The following USP34 variants were observed in gnomAD, a reference collection of about 807,000 sequenced individuals.
USP34 encodes the protein ubiquitin carboxyl-terminal hydrolase 34.
A neutral mutation model predicts 460.3 loss-of-function variants in USP34; 70 were observed. The observed-to-expected ratio is 0.15, with a 90% CI of 0.13 to 0.19. The LOEUF is 0.19. Ranked by LOEUF, USP34 falls within the 10% of genes least tolerant of loss-of-function variation. USP34 has a pLI of 1.00. For missense variants in USP34, 3,985 were observed against 4,236.2 expected (o/e 0.94, Z 1.65); for synonymous variants, 1,647 against 1,405.3 (o/e 1.17, Z -3.85).
intron 3 of USP34, among the ~76,000 whole-genome samples, chr2:61,399,480 T>C (rs1053498627): frequency 2.0e-5 from 3 of 152,042 alleles, no homozygotes; most frequent in Non-Finnish European, 4.4e-5. Flanking sequence ...CATCCTAAAA[T>C]GTTATAATCT....
chr2:61,467,747 A>C (rs1420491122), intron 1 of USP34, among the ~76,000 whole-genome samples: 3 of 148,582 alleles, frequency 2.0e-5, no homozygotes, highest in Non-Finnish European at 4.4e-5. Context: ...CAGCCTCCCA[A>C]GTAGCTGGGA....
chr2:61,222,800 G>A (rs1393590430), intron 64 of USP34, 137 bp from the exon 65 acceptor site: 5 of 800,000 alleles, frequency 6.3e-6, no homozygotes, highest in Non-Finnish European at 6.1e-6. Context: ...AGGCTCAAGC[G>A]ATCCTCCTGC....
intron 7 of USP34, 45 bp downstream of exon 7, chr2:61,380,124 G>A (rs1470189149): frequency 2.6e-6 from 4 of 1,563,964 alleles, no homozygotes; most frequent in East Asian, 2.3e-5. Flanking sequence ...TGATAGACCA[G>A]AAAACAAATA....
At chr2:61,466,980 C>A (rs953771409) in intron 1 of USP34, among the ~76,000 whole-genome samples, 4 of 151,944 alleles carry the variant, frequency 2.6e-5, no homozygotes, top group African/African-American at 7.3e-5. Flanking sequence ...GTTAATTTCA[C>A]AAGAAACAGT....
At chr2:61,306,699 A>C (rs1394275685) in intron 27 of USP34, among the ~76,000 whole-genome samples, 2 of 152,216 alleles carry the variant, frequency 1.3e-5, no homozygotes, top group Non-Finnish European at 2.9e-5. Context: ...ATGCAGCCAA[A>C]AGACACATGA....
At chr2:61,366,434 T>A (rs1478275193) in intron 10 of USP34, among the ~76,000 whole-genome samples, 1 of 152,106 alleles carries the variant, frequency 6.6e-6, no homozygotes, top group African/African-American at 2.4e-5. Flanking sequence ...ATTCTTTCTG[T>A]CAGCCACCCG....
At chr2:61,229,726 TTA>T in intron 58 of USP34, 93 bp from the exon 59 acceptor site, 1 of 1,090,220 alleles carries the variant, frequency 9.2e-7, no homozygotes, top group Non-Finnish European at 1.4e-6. Flanking sequence ...TGCCACCCAT[TTA>T]TAGTTTGCAC....
intron 41 of USP34, among the ~76,000 whole-genome samples, chr2:61,274,765 G>A (rs2103942233): frequency 6.6e-6 from 1 of 152,254 alleles, no homozygotes; most frequent in East Asian, 1.9e-4. Context: ...CCATAAATTG[G>A]CTCAGCTTCC....
intron 34 of USP34, among the ~76,000 whole-genome samples, 171 bp from the exon 35 acceptor site, chr2:61,285,128 T>G (rs2103964996): frequency 6.6e-6 from 1 of 152,228 alleles, no homozygotes; most frequent in South Asian, 2.1e-4. Context: ...TAAGAATTCT[T>G]TGAAAATACT....
At chr2:61,201,272 G>C (rs1415550166) in intron 75 of USP34, among the ~76,000 whole-genome samples, 1 of 142,992 alleles carries the variant, frequency 7.0e-6, no homozygotes, top group Non-Finnish European at 1.5e-5. Context: ...CTGGAGTGCA[G>C]TGGCTTGATC....
intron 29 of USP34, among the ~76,000 whole-genome samples, chr2:61,298,038 G>A (rs1690088861): frequency 6.6e-6 from 1 of 151,790 alleles, no homozygotes. Flanking sequence ...TGAATTCTAT[G>A]CAAAAAAGGA....
intron 2 of USP34, among the ~76,000 whole-genome samples, chr2:61,407,418 C>A (rs1693907957): frequency 1.3e-5 from 2 of 152,154 alleles, no homozygotes. Flanking sequence ...TACGCAAGTA[C>A]CTGGTTCTAA....
At chr2:61,239,785 G>C (rs549484466) in intron 53 of USP34, among the ~76,000 whole-genome samples, 2 of 152,106 alleles carry the variant, frequency 1.3e-5, no homozygotes, top group South Asian at 2.1e-4. Context: ...GAGATGGGCG[G>C]ATCAGGAGGT....
At chr2:61,242,491 ACACACACACACG>A (rs1464312726) in intron 51 of USP34, among the ~76,000 whole-genome samples, 1 of 149,476 alleles carries the variant, frequency 6.7e-6, no homozygotes, top group African/African-American at 2.5e-5. Flanking sequence ...ACACACACAC[ACACACACACACG>A]ATGCAAAGGA....
At chr2:61,271,390 A>T (rs1212190361) in intron 41 of USP34, among the ~76,000 whole-genome samples, 2 of 152,238 alleles carry the variant, frequency 1.3e-5, no homozygotes, top group Non-Finnish European at 2.9e-5. Flanking sequence ...TCCATGAAGT[A>T]TAAATATCAT....
chr2:61,259,201 G>A (rs1413139064), intron 44 of USP34, among the ~76,000 whole-genome samples: 4 of 152,082 alleles, frequency 2.6e-5, no homozygotes, highest in Non-Finnish European at 5.9e-5. Flanking sequence ...GGAGGTTGCA[G>A]TGAATTGAGA....
chr2:61,236,914 T>C (rs1688085806), intron 53 of USP34, among the ~76,000 whole-genome samples: 1 of 152,224 alleles, frequency 6.6e-6, no homozygotes, highest in African/African-American at 2.4e-5. Flanking sequence ...TATAAAACTA[T>C]TTTTACCTAG....
intron 29 of USP34, among the ~76,000 whole-genome samples, chr2:61,299,442 C>T (rs992241937): frequency 1.3e-5 from 2 of 152,162 alleles, no homozygotes; most frequent in African/African-American, 4.8e-5. Context: ...TGATATCACA[C>T]ATACTCTTGC....
At chr2:61,362,121 T>G (rs1692294037) in intron 10 of USP34, among the ~76,000 whole-genome samples, 1 of 152,144 alleles carries the variant, frequency 6.6e-6, no homozygotes, top group South Asian at 2.1e-4. Context: ...ATCTCACACC[T>G]ACGTTGTAAC....
Sources: gnomAD v4.1 joint callset for allele counts (sites outside exome capture counted in the v4.1 genomes callset) on GRCh38, gnomAD v4.1.1 for gene constraint, MANE v1.5 for transcripts, NCBI Gene and HGNC (gene_info 2026-07-23, HGNC 2026-07-21) for gene names.